The following SPTY2D1 variants were observed in gnomAD, a reference collection of about 807,000 sequenced individuals.
SPTY2D1 encodes protein SPT2 homolog.
Under a neutral mutation model 64.0 loss-of-function variants are expected in SPTY2D1, and 21 were observed. That is an observed-to-expected ratio of 0.33 (90% CI 0.23 to 0.47). SPTY2D1 has a LOEUF of 0.47. SPTY2D1 is among the 20% of genes least tolerant of loss of function. SPTY2D1 has a pLI of 1.00. For synonymous variants in SPTY2D1, 287 were observed against 286.8 expected (o/e 1.00, Z -0.01); for missense variants, 724 against 837.2 (o/e 0.86, Z 1.67).
In SPTY2D1 at chr11:18,606,682, A is replaced by C. The variant is rs536826735; in HGVS notation, c.*3179T>G. ...AATAGTAGTCTAATATATTCAATACATTGAAAATAAAACAACCAGTCTCTC... is the reference window on the plus strand; with the variant it reads ...AATAGTAGTCTAATATATTCAATACCTTGAAAATAAAACAACCAGTCTCTC... On this transcript the variant is annotated 3_prime_UTR_variant, in exon 6 of 6. Coordinates refer to ENST00000336349, the MANE Select transcript of SPTY2D1 (RefSeq NM_194285.3). The C allele has an allele frequency of 1.2e-5, 5 of 411,256 alleles. No individual in the cohort carries two copies. Among genetic ancestry groups the C allele is most frequent in the South Asian group, 9.0e-5 (5 of 55,304 alleles). The allele number at this position is 411,256 out of a possible 1,614,324, so 25.5% of individuals were successfully genotyped here.
intron 1 of SPTY2D1, among the ~76,000 whole-genome samples, chr11:18,619,397 C>T (rs548894292): frequency 6.8e-6 from 1 of 146,064 alleles, no homozygotes; most frequent in East Asian, 2.0e-4. Context: ...GGCGGGAGGA[C>T]AGCTTGAGCC....
At chr11:18,623,819 G>T (rs929079412) in intron 1 of SPTY2D1, among the ~76,000 whole-genome samples, 1 of 152,162 alleles carries the variant, frequency 6.6e-6, no homozygotes, top group Non-Finnish European at 1.5e-5. Flanking sequence ...GTGGCCTTTT[G>T]TATCTGGCTT....
Position 18,606,811 on chromosome 11 carries a change from T to C in SPTY2D1, c.*3050A>G. The stretch of plus-strand genomic sequence containing the variant: ...TTACAAAATACAAAACAACAATTTA[T>C]TTCTTGGAGAAAATCTTGGGGATTA... On this transcript the variant is annotated 3_prime_UTR_variant, in exon 6 of 6. Transcript: ENST00000336349. The C allele has an allele frequency of 2.7e-6, 1 of 375,310 alleles. No homozygotes were observed. The highest frequency in any genetic ancestry group is 1.9e-5 in the South Asian group (1 of 51,474). 23.2% of individuals were successfully genotyped at this position (375,310 alleles called of 1,614,324 possible).
chr11:18,620,780 G>A (rs1233007092), intron 1 of SPTY2D1, among the ~76,000 whole-genome samples: 2 of 147,030 alleles, frequency 1.4e-5, no homozygotes, highest in East Asian at 2.1e-4. Context: ...CCAGCTACTC[G>A]GAAGGCTGAG....
rs182100795 is a variant in SPTY2D1 at position 18,610,291 on chromosome 11, T to G, written c.1965-337A>C. 5 of 192,638 alleles carry G rather than the reference T, an allele frequency of 2.6e-5. No homozygotes were observed. In the East Asian group the frequency reaches 6.9e-4, roughly 26 times the overall value. The allele number at this position is 192,638 out of a possible 1,614,324, so 11.9% of individuals were successfully genotyped here. On this transcript the variant is annotated intron_variant, in intron 5 of 5. Coordinates refer to ENST00000336349, the MANE Select transcript of SPTY2D1 (RefSeq NM_194285.3). The stretch of plus-strand genomic sequence containing the variant: ...CTATTCTTGTTCTCTTCCAACACTT[T>G]AGTTTGAAATTTTATGGGCAAGAGG...
chr11:18,628,222 G>A (rs1854529881), intron 1 of SPTY2D1, among the ~76,000 whole-genome samples: 1 of 152,180 alleles, frequency 6.6e-6, no homozygotes, highest in African/African-American at 2.4e-5. Context: ...CCCAGACCTT[G>A]CCTATATAAA....
intron 1 of SPTY2D1, among the ~76,000 whole-genome samples, chr11:18,627,380 A>C (rs1366036829): frequency 6.6e-6 from 1 of 151,814 alleles, no homozygotes; most frequent in African/African-American, 2.4e-5. Flanking sequence ...GCAGTGAGCC[A>C]AGATCATGCC....
intron 1 of SPTY2D1, among the ~76,000 whole-genome samples, chr11:18,617,495 G>A (rs1256218093): frequency 2.0e-5 from 3 of 151,432 alleles, no homozygotes; most frequent in African/African-American, 7.3e-5. Flanking sequence ...GCGTAGTGGC[G>A]GGTGCCTGTA....
chr11:18,632,164 A>AG (rs1854599006), intron 1 of SPTY2D1, among the ~76,000 whole-genome samples: 2 of 151,872 alleles, frequency 1.3e-5, no homozygotes, highest in African/African-American at 2.4e-5. Context: ...AAAAAAAAAA[A>AG]AAAGAAGAAG....
rs1298872518 is a variant in SPTY2D1 at position 18,608,359 on chromosome 11, TGAA to T, written c.*1499_*1501del. 1.3e-5 allele frequency: 2 copies of T among 152,600 alleles called. No homozygotes were observed. Among genetic ancestry groups the T allele is most frequent in the African/African-American group, 4.8e-5 (2 of 41,452 alleles). 9.5% of individuals were successfully genotyped at this position (152,600 alleles called of 1,614,324 possible). On this transcript the variant is annotated 3_prime_UTR_variant, in exon 6 of 6. Coordinates refer to ENST00000336349, the MANE Select transcript of SPTY2D1 (RefSeq NM_194285.3). ...AATGGTAATCTATAATACCCAAACT[TGAA>T]GAATAAAGACTTTATGGATAAAAAG...
At chr11:18,616,743 A>C (rs1369141837) in intron 2 of SPTY2D1, 132 bp downstream of exon 2, 1 of 685,360 alleles carries the variant, frequency 1.5e-6, no homozygotes, top group Non-Finnish European at 2.5e-6. Flanking sequence ...ACACACACAC[A>C]CACACACACA....
chr11:18,611,755 T>C (rs574126282), intron 4 of SPTY2D1, among the ~76,000 whole-genome samples: 1 of 152,228 alleles, frequency 6.6e-6, no homozygotes, highest in South Asian at 2.1e-4. Context: ...TAAGCCCTTA[T>C]TACCCTCAGA....
At chr11:18,610,156 C>A in intron 5 of SPTY2D1, 1 of 486,156 alleles carries the variant, frequency 2.1e-6, no homozygotes, top group Admixed American at 3.7e-5. Flanking sequence ...GGAAAAAGAA[C>A]TCACACACCA....
At chr11:18,620,581 T>A (rs1425341812) in intron 1 of SPTY2D1, among the ~76,000 whole-genome samples, 1 of 152,010 alleles carries the variant, frequency 6.6e-6, no homozygotes. Context: ...ATTTTTCCAA[T>A]TCATATAAAA....
Position 18,614,976 on chromosome 11 carries a change from C to T in SPTY2D1, c.1298G>A (p.Cys433Tyr). ...NPSRRTVSGT[C>Y]GPGQPASSSG... ...GCTGCTTGCAGGTTGTCCAGGGCCA[C>T]ATGTACCACTGACTGTCCGCCTAGA... is the stretch of plus-strand genomic sequence containing the variant. Residue 433 changes from cysteine to tyrosine, a missense_variant, in exon 3 of 6, where the codon TGT becomes TAT. Coordinates refer to ENST00000336349, the MANE Select transcript of SPTY2D1 (RefSeq NM_194285.3). 1 of 1,614,188 alleles carries T rather than the reference C, an allele frequency of 6.2e-7. No individual in the cohort carries two copies. Among genetic ancestry groups the T allele is most frequent in the Non-Finnish European group, 8.5e-7 (1 of 1,180,042 alleles).
At chr11:18,624,954 G>A (rs770713064) in intron 1 of SPTY2D1, among the ~76,000 whole-genome samples, 10 of 152,104 alleles carry the variant, frequency 6.6e-5, no homozygotes, top group Non-Finnish European at 1.0e-4. Flanking sequence ...CGCCAAGATC[G>A]CGCCATTGCA....
chr11:18,611,703 G>A (rs991983219), intron 4 of SPTY2D1, 149 bp from the exon 5 acceptor site: 1 of 694,114 alleles, frequency 1.4e-6, no homozygotes. Flanking sequence ...AGTGAGGGGA[G>A]TGGAGGATGG....
chr11:18,609,625 CAGTTA>C lies in SPTY2D1; in HGVS notation c.*231_*235del. ...CAGGATCAAGGCTGGCATCTGTGAA[CAGTTA>C]ACTTCATAAGAGCACAAGTGGGCAT... On this transcript the variant is annotated 3_prime_UTR_variant, in exon 6 of 6. Coordinates refer to ENST00000336349, the MANE Select transcript of SPTY2D1 (RefSeq NM_194285.3). 4 of 517,882 alleles carry C rather than the reference CAGTTA, an allele frequency of 7.7e-6. No individual in the cohort carries two copies. The South Asian group carries it at 1.0e-4, about 13-fold the overall frequency. 32.1% of individuals were successfully genotyped at this position (517,882 alleles called of 1,614,324 possible).
In SPTY2D1 at chr11:18,615,049, C is replaced by T. The variant is rs764283158; in HGVS notation, c.1225G>A (p.Glu409Lys). 2 of 1,614,116 alleles carry T rather than the reference C, an allele frequency of 1.2e-6. No homozygotes were observed. The highest frequency in any genetic ancestry group is 8.5e-7 in the Non-Finnish European group (1 of 1,180,046). Residue 409 changes from glutamate to lysine, a missense_variant, in exon 3 of 6, where the codon GAG (glutamate) becomes AAG (lysine). By Grantham distance (56) the Glu-to-Lys change is moderately conservative. This residue lies in a region of SPTY2D1 where 426 missense variants were observed against 431.8 expected (regional missense o/e 0.99). Coordinates refer to ENST00000336349, the MANE Select transcript of SPTY2D1 (RefSeq NM_194285.3). ...RQNGSSSSGP[E>K]RSISGSKKPT... The stretch of plus-strand genomic sequence containing the variant: ...TTCTTGGACCCACTGATTGATCGCT[C>T]AGGTCCTGAGCTGGAGCTGCCATTC...
Sources: gnomAD v4.1 joint callset for allele counts (sites outside exome capture counted in the v4.1 genomes callset) on GRCh38, gnomAD v4.1.1 for gene constraint, gnomAD v4.1.1 regional missense constraint, MANE v1.5 for transcripts, NCBI Gene and HGNC (gene_info 2026-07-23, HGNC 2026-07-21) for gene names.